The following GFOD2 variants were observed in gnomAD, a reference collection of about 807,000 sequenced individuals.
GFOD2 encodes glucose-fructose oxidoreductase domain-containing protein 2.
GFOD2 carries 9 observed loss-of-function variants against 24.6 expected under a neutral mutation model. The ratio of observed to expected loss-of-function variants is 0.37; its 90% CI spans 0.22 to 0.64. The LOEUF (loss-of-function observed/expected upper bound fraction) is 0.64. GFOD2 is among the 30% of genes least tolerant of loss of function. The pLI is 0.65. For synonymous variants in GFOD2, 211 were observed against 224.8 expected, an observed-to-expected ratio of 0.94 and a Z score of 0.55; for missense variants, 476 against 532.5, an observed-to-expected ratio of 0.89 and a Z score of 1.04.
At chr16:67,699,553 G>A (rs1597799865) in intron 1 of GFOD2, among the ~76,000 whole-genome samples, 4 of 151,904 alleles carry the variant, frequency 2.6e-5, no homozygotes, top group South Asian at 4.2e-4. Flanking sequence ...GCGCAATCTC[G>A]GCTTACTGCA....
rs1358696292 is a variant in GFOD2 at position 67,675,356 on chromosome 16, C to T, written c.957G>A (p.Gln319=). The T allele has an allele frequency of 9.9e-6, 16 of 1,613,204 alleles. No homozygotes were observed. Among genetic ancestry groups the T allele is most frequent in the Non-Finnish European group, 1.3e-5 (15 of 1,179,986 alleles). The change falls in exon 3 of 3, where the codon CAG becomes CAA. Residue 319 remains glutamine, a synonymous_variant. Coordinates refer to ENST00000268797, the MANE Select transcript of GFOD2 (RefSeq NM_030819.4). ...YMVQALRQSF[Q]GQGDRRTWDR... is the part of the protein sequence containing the mutation. Reference sequence around the variant, plus strand: ...CCCAGGTGCGGCGGTCGCCCTGCCCCTGGAAGGACTGGCGCAAGGCCTGCA... The same window carrying T: ...CCCAGGTGCGGCGGTCGCCCTGCCCTTGGAAGGACTGGCGCAAGGCCTGCA...
At chr16:67,679,902 A>T (rs1265622306) in intron 2 of GFOD2, among the ~76,000 whole-genome samples, 2 of 151,462 alleles carry the variant, frequency 1.3e-5, no homozygotes, top group South Asian at 2.1e-4. Flanking sequence ...AAAAAAAACA[A>T]CAACAACAAC....
At chr16:67,688,908 T>G (rs2053289410) in intron 1 of GFOD2, among the ~76,000 whole-genome samples, 1 of 151,508 alleles carries the variant, frequency 6.6e-6, no homozygotes, top group Admixed American at 6.6e-5. Context: ...GCTAATTTTT[T>G]TTTTGTATTT....
rs534295720 is a variant in GFOD2 at position 67,681,939 on chromosome 16, G to C, written c.259+3518C>G. On this transcript the variant is annotated intron_variant, in intron 2 of 2. Coordinates refer to ENST00000268797, the MANE Select transcript of GFOD2 (RefSeq NM_030819.4). ...TCCCACCTATAATTCCAGCACTTTG[G>C]GGGGCCAAAGTAGGATGATTGCCTG... 3.9e-5 allele frequency: 38 copies of C among 965,624 alleles called. No individual in the cohort carries two copies. In the East Asian group the frequency reaches 3.2e-3, roughly 82 times the overall value. 59.8% of individuals were successfully genotyped at this position (965,624 alleles called of 1,614,324 possible).
chr16:67,676,875 T>C (rs77562958), intron 2 of GFOD2: 93 of 152,338 alleles, frequency 6.1e-4, no homozygotes, highest in African/African-American at 2.2e-3. Flanking sequence ...AAGGGATGAA[T>C]GCTGCTCCAT....
intron 1 of GFOD2, among the ~76,000 whole-genome samples, chr16:67,699,738 C>G (rs934075877): frequency 6.6e-6 from 1 of 151,954 alleles, no homozygotes; most frequent in Admixed American, 6.6e-5. Flanking sequence ...CCAGCCTCAG[C>G]CTCCCAAAGT....
intron 2 of GFOD2, chr16:67,681,940 G>A (rs2053228420): frequency 2.1e-6 from 2 of 960,356 alleles, no homozygotes; most frequent in South Asian, 9.6e-5. Context: ...AGCACTTTGG[G>A]GGGCCAAAGT....
chr16:67,687,147 C>CAAAAAAAAAAA (rs555830977), intron 1 of GFOD2, among the ~76,000 whole-genome samples: 1 of 49,692 alleles, frequency 2.0e-5, no homozygotes, highest in Non-Finnish European at 4.3e-5. Flanking sequence ...GACTCCGTCA[C>CAAAAAAAAAAA]AAAAAAAAAA....
At chr16:67,679,257 A>T (rs1253218372) in intron 2 of GFOD2, among the ~76,000 whole-genome samples, 1 of 145,148 alleles carries the variant, frequency 6.9e-6, no homozygotes, top group Non-Finnish European at 1.5e-5. Flanking sequence ...TTTGAGACAG[A>T]GTTTTGCTCT....
rs1200667983 is a variant in GFOD2 at position 67,675,061 on chromosome 16, A to G, written c.*94T>C. ...TTCACCCAGACTCATTAAATGAAAG[A>G]CACTGTCTCTGCTAGGGCCAAGTCC... On this transcript the variant is annotated 3_prime_UTR_variant, in exon 3 of 3. Transcript: ENST00000268797. 7.3e-7 allele frequency: 1 copy of G among 1,369,966 alleles called. No homozygotes were observed. The highest frequency in any genetic ancestry group is 1.4e-5 in the African/African-American group (1 of 69,118). 84.9% of individuals were successfully genotyped at this position (1,369,966 alleles called of 1,614,324 possible).
intron 2 of GFOD2, among the ~76,000 whole-genome samples, chr16:67,679,759 C>T (rs1024150575): frequency 1.3e-5 from 2 of 151,736 alleles, no homozygotes; most frequent in African/African-American, 2.4e-5. Flanking sequence ...GGGTGGCAGG[C>T]GCCTGTAATC....
At chr16:67,680,634 T>C (rs1393265488) in intron 2 of GFOD2, 31 of 649,510 alleles carry the variant, frequency 4.8e-5, no homozygotes, top group Non-Finnish European at 5.7e-5. Flanking sequence ...TCATTTGTAC[T>C]TATGGGCATC....
intron 2 of GFOD2, chr16:67,677,871 C>A (rs1045146112): frequency 1.3e-5 from 2 of 152,368 alleles, no homozygotes; most frequent in Non-Finnish European, 2.9e-5. Flanking sequence ...GTTGGAGGGG[C>A]AGCCTTAGGC....
intron 2 of GFOD2, chr16:67,684,956 CA>C (rs1045515551): frequency 3.7e-5 from 37 of 1,001,282 alleles, no homozygotes; most frequent in Non-Finnish European, 4.4e-5. Flanking sequence ...CCAATGCTGG[CA>C]GAGCCTTCCT....
chr16:67,691,512 C>G (rs1030664697), intron 1 of GFOD2, among the ~76,000 whole-genome samples: 2 of 147,716 alleles, frequency 1.4e-5, no homozygotes, highest in South Asian at 4.3e-4. Context: ...GCCTAGACCC[C>G]CCCCCAAAAA....
chr16:67,698,083 G>A (rs1400939679), intron 1 of GFOD2, among the ~76,000 whole-genome samples: 8 of 152,182 alleles, frequency 5.3e-5, no homozygotes, highest in Admixed American at 5.2e-4. Context: ...TTCCATCTGA[G>A]TCCAGCCAAG....
At chr16:67,686,869 G>T (rs1015156922) in intron 1 of GFOD2, among the ~76,000 whole-genome samples, 1 of 150,818 alleles carries the variant, frequency 6.6e-6, no homozygotes, top group African/African-American at 2.4e-5. Flanking sequence ...ACTGGAGGCC[G>T]GGCGTGGTGG....
At chr16:67,718,843 C>A (rs2053524803) in intron 1 of GFOD2, among the ~76,000 whole-genome samples, 4 of 152,204 alleles carry the variant, frequency 2.6e-5, no homozygotes, top group Non-Finnish European at 5.9e-5. Context: ...GTGGTCCGCT[C>A]GGCACAGGGC....
At chr16:67,714,004 G>A (rs1194092649) in intron 1 of GFOD2, among the ~76,000 whole-genome samples, 6 of 151,794 alleles carry the variant, frequency 4.0e-5, no homozygotes, top group African/African-American at 9.7e-5. Flanking sequence ...ATTACTTTGC[G>A]GCAAAATCTG....
Sources: gnomAD v4.1 joint callset for allele counts (sites outside exome capture counted in the v4.1 genomes callset) on GRCh38, gnomAD v4.1.1 for gene constraint, MANE v1.5 for transcripts, NCBI Gene and HGNC (gene_info 2026-07-23, HGNC 2026-07-21) for gene names.